CEP112: variants seen among roughly 807,000 people sequenced by gnomAD.
The protein encoded by CEP112 is centrosomal protein 112, also known as centrosomal protein of 112 kDa.
Under a neutral mutation model 153.0 loss-of-function variants are expected in CEP112, and 127 were observed. The observed-to-expected ratio is 0.83, with a 90% CI of 0.72 to 0.96. CEP112 has a LOEUF of 0.96. CEP112 is among the 40% of genes least tolerant of loss of function. The pLI is 0.00. For missense variants in CEP112, 1,089 were observed against 1,101.2 expected (o/e 0.99, Z 0.16); for synonymous variants, 358 against 374.4 (o/e 0.96, Z 0.51).
Position 65,851,927 on chromosome 17 carries a change from C to G in CEP112, c.2271G>C (p.Glu757Asp), listed in dbSNP as rs757132311. 3.1e-6 allele frequency: 5 copies of G among 1,614,084 alleles called. No individual in the cohort carries two copies. In the South Asian group the frequency reaches 4.4e-5, roughly 14 times the overall value. Residue 757 changes from glutamate (E) to aspartate (D), a missense_variant, in exon 21 of 27, where the codon GAG becomes GAC. Glu to Asp is a conservative substitution (Grantham distance 45). Coordinates refer to ENST00000535342, the MANE Select transcript of CEP112 (RefSeq NM_001199165.4). ...GTTCCCTTGTAGCCCTTTGCTTTTC[C>G]TCTTCACGAAGAAGACCAAGCTCTA... ...QLVELGLLREEEKQRATREHE... is the reference protein window; with the variant it reads ...QLVELGLLREDEKQRATREHE...
chr17:65,660,216 C>CTT (rs1296701973), intron 24 of CEP112, among the ~76,000 whole-genome samples: 47 of 105,014 alleles, frequency 4.5e-4, no homozygotes, highest in African/African-American at 2.0e-3. Flanking sequence ...TCTTTCCTTC[C>CTT]CTCCCTCCCT....
At chr17:66,028,665 AAT>A (rs2065328980) in intron 14 of CEP112, among the ~76,000 whole-genome samples, 1 of 151,940 alleles carries the variant, frequency 6.6e-6, no homozygotes, top group South Asian at 2.1e-4. Context: ...TTAAAGTAAA[AAT>A]AGAAATTAAA....
intron 21 of CEP112, among the ~76,000 whole-genome samples, chr17:65,846,704 G>A (rs866648628): frequency 5.1e-4 from 78 of 152,326 alleles, no homozygotes; most frequent in African/African-American, 1.8e-3. Flanking sequence ...GAGTAGCTGG[G>A]ACTACAGGCG....
At chr17:66,097,104 C>T (rs1320893596) in intron 6 of CEP112, among the ~76,000 whole-genome samples, 1 of 152,174 alleles carries the variant, frequency 6.6e-6, no homozygotes, top group Non-Finnish European at 1.5e-5. Flanking sequence ...TTTCTAATAG[C>T]AAAGAGAACA....
chr17:66,120,705 T>C (rs1441498708), intron 6 of CEP112, among the ~76,000 whole-genome samples: 1 of 152,164 alleles, frequency 6.6e-6, no homozygotes, highest in Non-Finnish European at 1.5e-5. Context: ...TCTGTAATGA[T>C]ATCTTCTCTT....
At chr17:65,861,082 T>G (rs1245220645) in intron 20 of CEP112, among the ~76,000 whole-genome samples, 1 of 152,232 alleles carries the variant, frequency 6.6e-6, no homozygotes, top group Non-Finnish European at 1.5e-5. Flanking sequence ...ATTAGTGGAT[T>G]GTCTAGGTCT....
At chr17:65,684,647 G>C (rs1243082433) in intron 24 of CEP112, among the ~76,000 whole-genome samples, 1 of 152,178 alleles carries the variant, frequency 6.6e-6, no homozygotes, top group African/African-American at 2.4e-5. Flanking sequence ...GAAACTAAGT[G>C]AATTTTAGTT....
intron 21 of CEP112, among the ~76,000 whole-genome samples, chr17:65,844,878 G>A (rs1037154411): frequency 2.6e-5 from 4 of 151,858 alleles, no homozygotes; most frequent in Non-Finnish European, 5.9e-5. Flanking sequence ...GCCGGGCATG[G>A]TGGCGCCCAT....
chr17:65,919,518 G>A (rs1301743066), intron 19 of CEP112, among the ~76,000 whole-genome samples: 4 of 152,164 alleles, frequency 2.6e-5, no homozygotes, highest in Non-Finnish European at 5.9e-5. Flanking sequence ...AACTGAGAAA[G>A]TAGGCAAGAG....
At chr17:66,011,564 G>T (rs1810634325) in intron 16 of CEP112, among the ~76,000 whole-genome samples, 1 of 152,062 alleles carries the variant, frequency 6.6e-6, no homozygotes, top group African/African-American at 2.4e-5. Flanking sequence ...TATTTTTAAT[G>T]CACTGTGGTC....
intron 8 of CEP112, among the ~76,000 whole-genome samples, chr17:66,084,649 G>A (rs1188571028): frequency 2.0e-5 from 3 of 152,074 alleles, no homozygotes; most frequent in Non-Finnish European, 4.4e-5. Flanking sequence ...GTAGAATGAT[G>A]GTTATTAGGG....
intron 18 of CEP112, among the ~76,000 whole-genome samples, chr17:65,950,699 CTAGTAGTAGTAG>C (rs111958511): frequency 9.5e-5 from 14 of 147,134 alleles, no homozygotes; most frequent in Admixed American, 1.4e-4. Flanking sequence ...GGATACATTA[CTAGTAGTAGTAG>C]TAGTAGTAGT....
At chr17:65,911,272 G>A (rs1306362102) in intron 19 of CEP112, among the ~76,000 whole-genome samples, 2 of 152,114 alleles carry the variant, frequency 1.3e-5, no homozygotes, top group Admixed American at 6.6e-5. Context: ...ATAACTGTGA[G>A]AATTATGGTT....
chr17:65,848,755 C>G (rs1322133080), intron 21 of CEP112, among the ~76,000 whole-genome samples: 1 of 152,178 alleles, frequency 6.6e-6, no homozygotes, highest in South Asian at 2.1e-4. Flanking sequence ...CAGCTTCCTC[C>G]TCCTCCGACC....
chr17:65,704,081 G>A (rs970379529), intron 23 of CEP112, among the ~76,000 whole-genome samples: 12 of 151,922 alleles, frequency 7.9e-5, no homozygotes, highest in Non-Finnish European at 1.5e-4. Context: ...TATGACGGAC[G>A]TCCTCACAAC....
chr17:65,648,772 C>T (rs1178601921), intron 24 of CEP112, among the ~76,000 whole-genome samples: 5 of 152,074 alleles, frequency 3.3e-5, no homozygotes, highest in South Asian at 4.1e-4. Flanking sequence ...CCACATTGAC[C>T]GGGTGGACTG....
chr17:65,761,198 G>GT (rs1335747458), intron 21 of CEP112, among the ~76,000 whole-genome samples: 1 of 151,556 alleles, frequency 6.6e-6, no homozygotes, highest in East Asian at 1.9e-4. Context: ...CCAGCTTTTG[G>GT]TTTCATTGAT....
intron 17 of CEP112, among the ~76,000 whole-genome samples, chr17:65,979,429 A>G (rs565952721): frequency 3.3e-5 from 5 of 152,056 alleles, no homozygotes; most frequent in Admixed American, 2.0e-4. Flanking sequence ...TGGTAAAGAT[A>G]GAGTCTCACT....
intron 20 of CEP112, among the ~76,000 whole-genome samples, chr17:65,871,569 A>C (rs1035421110): frequency 6.6e-6 from 1 of 152,228 alleles, no homozygotes; most frequent in African/African-American, 2.4e-5. Flanking sequence ...TGGGAGGCGG[A>C]GATTACAGTG....
Sources: allele counts gnomAD v4.1 joint callset (sites outside exome capture counted in the v4.1 genomes callset), GRCh38; gene constraint gnomAD v4.1.1; transcripts MANE v1.5; gene names NCBI Gene and HGNC (gene_info 2026-07-23, HGNC 2026-07-21).